MICU3: variants seen among roughly 807,000 people sequenced by gnomAD.
MICU3 encodes mitochondrial calcium uptake 3, also known as calcium uptake protein 3, mitochondrial.
A neutral mutation model predicts 66.5 loss-of-function variants in MICU3; 62 were observed. That is an observed-to-expected ratio of 0.93 (90% CI 0.76 to 1.15). MICU3 has a LOEUF of 1.15. Among genes scored for constraint, MICU3 ranks in the 50% most tolerant of loss-of-function variants. The pLI is 0.00. For missense variants in MICU3, 779 were observed against 664.4 expected (o/e 1.17, Z -1.90); for synonymous variants, 308 against 240.7 (o/e 1.28, Z -2.59).
At position 17,114,093 on chromosome 8, in the gene MICU3, G is replaced by C. The variant is rs760248542; in HGVS notation, c.1258G>C (p.Gly420Arg). 1 of 1,596,098 alleles carries C rather than the reference G, an allele frequency of 6.3e-7. No homozygotes were observed. The highest frequency in any genetic ancestry group is 8.6e-7 in the Non-Finnish European group (1 of 1,167,556). The change falls in exon 12 of 15, where the codon GGC becomes CGC. Residue 420 changes from glycine to arginine, a missense_variant and splice_region_variant. Physicochemically the swap from Gly to Arg is moderately radical, Grantham distance 125. Transcript: ENST00000318063. ...NVRYSIPEEK[G>R]ITFDEFRSFF... Reference sequence around the variant, plus strand: ...ATTTTCATTTCCTTTCCCAATATAGGGCATCACATTTGATGAATTCAGGTC... The same window carrying C: ...ATTTTCATTTCCTTTCCCAATATAGCGCATCACATTTGATGAATTCAGGTC...
intron 8 of MICU3, chr8:17,090,815 G>T: frequency 2.9e-6 from 1 of 343,776 alleles, no homozygotes; most frequent in Non-Finnish European, 5.2e-6. Context: ...TTAAAATAAG[G>T]AAAAGGTAAG....
chr8:17,116,372 C>T, intron 12 of MICU3, 71 bp from the exon 13 acceptor site: 1 of 1,028,908 alleles, frequency 9.7e-7, no homozygotes. Context: ...TCTTTTACAA[C>T]CTTTCTAGTA....
chr8:17,087,577 G>C (rs1166982040), intron 7 of MICU3, among the ~76,000 whole-genome samples: 5 of 151,922 alleles, frequency 3.3e-5, no homozygotes. Context: ...AAGTATTTCA[G>C]CCTGACCATA....
In MICU3 at chr8:17,027,514, G is replaced by C; in HGVS notation, c.235G>C (p.Gly79Arg). 1 of 1,281,336 alleles carries C rather than the reference G, an allele frequency of 7.8e-7. No individual in the cohort carries two copies. The highest frequency in any genetic ancestry group is 9.8e-7 in the Non-Finnish European group (1 of 1,018,140). The allele number at this position is 1,281,336 out of a possible 1,614,324, so 79.4% of individuals were successfully genotyped here. A position where few individuals can be genotyped will look rare whatever the true frequency, so the allele number is the denominator to read the frequency against. The change falls in exon 1 of 15, where the codon GGC becomes CGC. Residue 79 changes from glycine to arginine, a missense_variant. Physicochemically the swap from Gly to Arg is moderately radical, Grantham distance 125 (BLOSUM62 -2). Coordinates refer to ENST00000318063, the MANE Select transcript of MICU3 (RefSeq NM_181723.3). Reference protein sequence around the residue: ...VAAAAGGGLVGLVCYQLYGDP... With the variant: ...VAAAAGGGLVRLVCYQLYGDP... ...GGCGGCGGCCGGCGGGGGGCTGGTCGGCCTGGTATGCTACCAGCTGTACGG... is the reference window on the plus strand; with the variant it reads ...GGCGGCGGCCGGCGGGGGGCTGGTCCGCCTGGTATGCTACCAGCTGTACGG...
intron 9 of MICU3, chr8:17,102,472 T>C (rs1199773311): frequency 6.6e-6 from 1 of 151,390 alleles, no homozygotes; most frequent in African/African-American, 2.4e-5. Flanking sequence ...ATTGTTGTTA[T>C]GGTTAGGATT....
Position 17,081,766 on chromosome 8 carries a change from C to G in MICU3, c.694+26C>G, listed in dbSNP as rs1156531699. On this transcript the variant is annotated intron_variant, in intron 5 of 14. Transcript: ENST00000318063. ...GTAAGTATACTTATTGCTTTTATTT[C>G]TGGATGCAGCTTTATTTTTTAAACG... 5.7e-6 allele frequency: 5 copies of G among 882,826 alleles called. No homozygotes were observed. In the African/African-American group the frequency reaches 6.9e-5, roughly 12 times the overall value. The allele number at this position is 882,826 out of a possible 1,614,324, so 54.7% of individuals were successfully genotyped here. A position where few individuals can be genotyped will look rare whatever the true frequency, so the allele number is the denominator to read the frequency against.
chr8:17,065,517 T>G (rs62503726), intron 2 of MICU3, among the ~76,000 whole-genome samples: 5 of 151,834 alleles, frequency 3.3e-5, no homozygotes, highest in Admixed American at 1.3e-4. Context: ...CTTTAAAAGA[T>G]GAATGGACAA....
intron 1 of MICU3, among the ~76,000 whole-genome samples, chr8:17,054,521 T>A (rs1451689198): frequency 6.6e-6 from 1 of 152,176 alleles, no homozygotes; most frequent in Non-Finnish European, 1.5e-5. Flanking sequence ...TTCAGTTGCA[T>A]AATTATAGAG....
At chr8:17,112,806 A>G (rs1802322790) in intron 11 of MICU3, among the ~76,000 whole-genome samples, 1 of 152,178 alleles carries the variant, frequency 6.6e-6, no homozygotes, top group South Asian at 2.1e-4. Context: ...CACTGCTGTT[A>G]TGGCAGCAGG....
In MICU3 at chr8:17,027,593, C is replaced by A. The variant is rs950882637; in HGVS notation, c.314C>A (p.Thr105Lys). The stretch of plus-strand genomic sequence containing the variant: ...GGGCGACCCTCAAAGAGCGCGGCCA[C>A]GGAGCCCGAGGACCCGCCCCGCGGC... The part of the protein sequence containing the change: ...ATGRPSKSAA[T>K]EPEDPPRGRG... Residue 105 changes from threonine to lysine, a missense_variant, in exon 1 of 15, where the codon ACG becomes AAG. Physicochemically the swap from Thr to Lys is moderately conservative, Grantham distance 78. Coordinates refer to ENST00000318063, the MANE Select transcript of MICU3 (RefSeq NM_181723.3). 1.5e-6 allele frequency: 2 copies of A among 1,297,946 alleles called. No individual in the cohort carries two copies. Among genetic ancestry groups the A allele is most frequent in the South Asian group, 2.4e-5 (1 of 41,382 alleles). The allele number at this position is 1,297,946 out of a possible 1,614,324, so 80.4% of individuals were successfully genotyped here. A position where few individuals can be genotyped will look rare whatever the true frequency, so the allele number is the denominator to read the frequency against.
In MICU3 at chr8:17,066,216, T is replaced by C. The variant is rs149523425; in HGVS notation, c.535+1979T>C. Among the ~76,000 whole-genome samples the C allele has an allele frequency of 5.2e-3, 793 of 152,082 alleles. 7 individuals carry two copies. Among genetic ancestry groups the C allele is most frequent in the African/African-American group, 0.018 (756 of 41,520 alleles). ...GCTAATAAATATAGAGACCATGTTG[T>C]ACCAAATCAATTAAATAAAAATGTA... On this transcript the variant is annotated intron_variant, in intron 2 of 14. Transcript: ENST00000318063.
At chr8:17,064,677 A>G (rs1818407332) in intron 2 of MICU3, among the ~76,000 whole-genome samples, 1 of 152,160 alleles carries the variant, frequency 6.6e-6, no homozygotes, top group African/African-American at 2.4e-5. Flanking sequence ...ATGGTTCTCA[A>G]AATTTTTGGA....
chr8:17,031,379 A>G (rs925004693), intron 1 of MICU3, among the ~76,000 whole-genome samples: 4 of 151,316 alleles, frequency 2.6e-5, no homozygotes, highest in Admixed American at 1.3e-4. Flanking sequence ...TTCACCTCCC[A>G]GGTTCAAGTG....
At chr8:17,116,913 G>C (rs772180594) in intron 13 of MICU3, among the ~76,000 whole-genome samples, 3 of 152,042 alleles carry the variant, frequency 2.0e-5, no homozygotes, top group African/African-American at 7.2e-5. Context: ...CTGCATATTA[G>C]CTTTTCGGAC....
At chr8:17,029,458 A>G (rs977482823) in intron 1 of MICU3, among the ~76,000 whole-genome samples, 26 of 152,184 alleles carry the variant, frequency 1.7e-4, no homozygotes, top group African/African-American at 6.3e-4. Context: ...CCTGGGTGAC[A>G]AGAGCGAAAC....
At chr8:17,106,406 G>C (rs1417911820) in intron 11 of MICU3, among the ~76,000 whole-genome samples, 3 of 150,764 alleles carry the variant, frequency 2.0e-5, no homozygotes, top group Non-Finnish European at 4.4e-5. Flanking sequence ...CCAAATTAGA[G>C]TACTTTTTGT....
chr8:17,098,477 A>G lies in MICU3; in HGVS notation c.908A>G (p.Glu303Gly). ...PTNSVLKTDA[E>G]ELVSRSYWDT... Reference sequence around the variant, plus strand: ...CTACAGGTACTTAAAACAGATGCTGAGGAACTTGTCTCCAGAAGCTATTGG... The same window carrying G: ...CTACAGGTACTTAAAACAGATGCTGGGGAACTTGTCTCCAGAAGCTATTGG... The change falls in exon 9 of 15, where the codon GAG (glutamate) becomes GGG (glycine). Residue 303 changes from glutamate (E) to glycine (G), a missense_variant. Transcript: ENST00000318063. 1 of 1,610,568 alleles carries G rather than the reference A, an allele frequency of 6.2e-7. No individual in the cohort carries two copies. Among genetic ancestry groups the G allele is most frequent in the South Asian group, 1.1e-5 (1 of 90,978 alleles).
chr8:17,126,646 C>T (rs1156634233), downstream of MICU3, among the ~76,000 whole-genome samples: 1 of 152,088 alleles, frequency 6.6e-6, no homozygotes, highest in Non-Finnish European at 1.5e-5. Flanking sequence ...ATTTTTAACA[C>T]TTAGGATCTC....
intron 8 of MICU3, among the ~76,000 whole-genome samples, chr8:17,091,204 C>G (rs193213028): frequency 1.3e-5 from 2 of 152,186 alleles, no homozygotes; most frequent in African/African-American, 2.4e-5. Flanking sequence ...AGATGAACTT[C>G]CAGTTGTACC....
Sources: allele counts gnomAD v4.1 joint callset (sites outside exome capture counted in the v4.1 genomes callset), GRCh38; gene constraint gnomAD v4.1.1; transcripts MANE v1.5; gene names NCBI Gene and HGNC (gene_info 2026-07-23, HGNC 2026-07-21).